ZNF148: variants seen among roughly 807,000 people sequenced by gnomAD.
The protein encoded by ZNF148 is zinc finger protein 148, also known as Beta-Enolase Repressor Factor-1.
Under a neutral mutation model 67.7 loss-of-function variants are expected in ZNF148, and 7 were observed. That is an observed-to-expected ratio of 0.10 (90% CI 0.06 to 0.19). The LOEUF is 0.19. ZNF148 is among the 10% of genes least tolerant of loss of function. The pLI is 1.00. For synonymous variants in ZNF148, 333 were observed against 330.7 expected (o/e 1.01, Z -0.08); for missense variants, 583 against 947.1 (o/e 0.62, Z 5.05).
intron 3 of ZNF148, among the ~76,000 whole-genome samples, chr3:125,316,687 T>C (rs773743003): frequency 1.3e-5 from 2 of 152,104 alleles, no homozygotes; most frequent in Non-Finnish European, 2.9e-5. Flanking sequence ...CATTTTTTGA[T>C]TGAATTACTA....
chr3:125,330,122 C>CA (rs1941221126), intron 2 of ZNF148, among the ~76,000 whole-genome samples: 1 of 152,060 alleles, frequency 6.6e-6, no homozygotes, highest in Non-Finnish European at 1.5e-5. Context: ...CAGGAAAATC[C>CA]TAAAATATGG....
intron 1 of ZNF148, among the ~76,000 whole-genome samples, chr3:125,362,209 A>G (rs1159056154): frequency 2.0e-5 from 3 of 152,156 alleles, no homozygotes; most frequent in African/African-American, 7.2e-5. Context: ...TAAATCCCTA[A>G]TTCCAACAAA....
At chr3:125,263,904 TCTC>T (rs1937456571) in intron 7 of ZNF148, among the ~76,000 whole-genome samples, 2 of 152,112 alleles carry the variant, frequency 1.3e-5, no homozygotes, top group South Asian at 4.1e-4. Context: ...TCAGCCCCAT[TCTC>T]CTCAACCTCC....
rs751474110 is a variant in ZNF148 at position 125,225,966 on chromosome 3, C to T, written c.*6375G>A. 7 of 152,176 alleles carry T rather than the reference C, an allele frequency of 4.6e-5. No individual in the cohort carries two copies. Among genetic ancestry groups the T allele is most frequent in the Admixed American group, 2.0e-4 (3 of 15,256 alleles). The allele number at this position is 152,176 out of a possible 1,614,324, so 9.4% of individuals were successfully genotyped here. A position where few individuals can be genotyped will look rare whatever the true frequency, so the allele number is the denominator to read the frequency against. On this transcript the variant is annotated 3_prime_UTR_variant, in exon 9 of 9. Coordinates refer to ENST00000360647, the MANE Select transcript of ZNF148 (RefSeq NM_021964.3). ...CAGACAACTTTCTTACAATGCATCC[C>T]GCTGGTCACAAGCTAGGGTACTGGC...
At chr3:125,316,212 T>G (rs1270332376) in intron 3 of ZNF148, among the ~76,000 whole-genome samples, 2 of 152,220 alleles carry the variant, frequency 1.3e-5, no homozygotes, top group Non-Finnish European at 2.9e-5. Flanking sequence ...ACTACTCCAT[T>G]GTGCATATGT....
At chr3:125,262,351 T>C (rs2107575396) in intron 7 of ZNF148, among the ~76,000 whole-genome samples, 1 of 152,354 alleles carries the variant, frequency 6.6e-6, no homozygotes, top group Middle Eastern at 3.4e-3. Flanking sequence ...AAAACTTTCT[T>C]TGCACTTGCA....
At chr3:125,308,574 T>C (rs1209379442) in intron 4 of ZNF148, among the ~76,000 whole-genome samples, 2 of 147,706 alleles carry the variant, frequency 1.4e-5, no homozygotes, top group Non-Finnish European at 3.0e-5. Context: ...ATACTTTATA[T>C]GAAAATGCAA....
intron 4 of ZNF148, among the ~76,000 whole-genome samples, chr3:125,307,435 T>C (rs1013937819): frequency 6.6e-6 from 1 of 152,066 alleles, no homozygotes; most frequent in Non-Finnish European, 1.5e-5. Flanking sequence ...TCCGAGTAGC[T>C]GGGACCACAG....
chr3:125,363,809 C>A (rs1942619209), intron 1 of ZNF148, among the ~76,000 whole-genome samples: 1 of 152,134 alleles, frequency 6.6e-6, no homozygotes, highest in African/African-American at 2.4e-5. Flanking sequence ...GCCACCATGC[C>A]CCGCTAATTT....
chr3:125,342,130 T>TAA (rs556477550), intron 1 of ZNF148, among the ~76,000 whole-genome samples: 8,241 of 146,968 alleles, frequency 0.056, 727 homozygotes, highest in African/African-American at 0.19. Context: ...TACAGGGCAA[T>TAA]AAAAAAAAAA....
intron 4 of ZNF148, among the ~76,000 whole-genome samples, chr3:125,297,407 C>CA (rs1407125892): frequency 4.0e-5 from 6 of 151,630 alleles, no homozygotes; most frequent in African/African-American, 1.2e-4. Flanking sequence ...AAGAAGGACA[C>CA]AAAAAATACC....
chr3:125,324,364 T>C lies in ZNF148; in HGVS notation c.-152-920A>G, dbSNP rs16836745. On this transcript the variant is annotated intron_variant, in intron 2 of 8. Coordinates refer to ENST00000360647, the MANE Select transcript of ZNF148 (RefSeq NM_021964.3). ...ATAAAATTCTAGTGGCCAAAAACAA[T>C]AGAAACGATTATGGTTATAAAATCA... Among the ~76,000 whole-genome samples, 1,344 of 151,976 alleles carry C rather than the reference T, an allele frequency of 8.8e-3. 22 individuals carry two copies. Among genetic ancestry groups the C allele is most frequent in the African/African-American group, 0.028 (1,166 of 41,430 alleles).
chr3:125,296,246 G>C (rs9839414), intron 4 of ZNF148, among the ~76,000 whole-genome samples: 118,042 of 151,926 alleles, frequency 0.78, 46,462 homozygotes, highest in African/African-American at 0.87. Flanking sequence ...CTCAGCCTTT[G>C]GAGTAGCTGG....
At chr3:125,256,341 C>T (rs1937076435) in intron 7 of ZNF148, among the ~76,000 whole-genome samples, 1 of 147,922 alleles carries the variant, frequency 6.8e-6, no homozygotes, top group Admixed American at 6.8e-5. Context: ...GCAGTCTGGC[C>T]TGGGTCAAAG....
At chr3:125,308,795 C>G (rs1488104029) in intron 4 of ZNF148, among the ~76,000 whole-genome samples, 3 of 152,114 alleles carry the variant, frequency 2.0e-5, no homozygotes, top group African/African-American at 4.8e-5. Flanking sequence ...ACTTGTACAA[C>G]AATTTTCCTA....
At chr3:125,239,587 T>A (rs1192017335) in intron 7 of ZNF148, among the ~76,000 whole-genome samples, 18 of 152,146 alleles carry the variant, frequency 1.2e-4, no homozygotes, top group Non-Finnish European at 1.5e-5. Flanking sequence ...AAAATGGTAT[T>A]AAGTGCTTTG....
intron 7 of ZNF148, among the ~76,000 whole-genome samples, chr3:125,260,193 A>G (rs900826870): frequency 2.0e-5 from 3 of 152,212 alleles, no homozygotes; most frequent in Non-Finnish European, 4.4e-5. Flanking sequence ...AAAGGTCTGA[A>G]ATATTGAAAG....
intron 2 of ZNF148, among the ~76,000 whole-genome samples, chr3:125,330,269 C>T (rs532371246): frequency 5.9e-5 from 9 of 151,286 alleles, no homozygotes; most frequent in African/African-American, 1.5e-4. Context: ...GTTCAAGACC[C>T]GCCTGGGCAA....
rs185059188 is a variant in ZNF148, at chr3:125,371,600, A to G, written c.-234+3502T>C. On this transcript the variant is annotated intron_variant, in intron 1 of 8. Coordinates refer to ENST00000360647, the MANE Select transcript of ZNF148 (RefSeq NM_021964.3). ...CTTGAACCCAGGAGGCAGAGGTTGCAGTGAGCCGAGATCGTGCCACTGCAC... is the reference window on the plus strand; with the variant it reads ...CTTGAACCCAGGAGGCAGAGGTTGCGGTGAGCCGAGATCGTGCCACTGCAC... 2.5e-3 allele frequency among the ~76,000 whole-genome samples: 365 copies of G among 148,056 alleles called. 1 individual carries two copies. The highest frequency in any genetic ancestry group is 4.2e-3 in the Non-Finnish European group (282 of 67,152).
Sources: allele counts gnomAD v4.1 joint callset (sites outside exome capture counted in the v4.1 genomes callset), GRCh38; gene constraint gnomAD v4.1.1; transcripts MANE v1.5; gene names NCBI Gene and HGNC (gene_info 2026-07-23, HGNC 2026-07-21).